Variants in NHS observed in about 807,000 individuals in gnomAD.
NHS encodes the protein NHS actin remodeling regulator.
A neutral mutation model predicts 72.5 loss-of-function variants in NHS; 5 were observed. The observed-to-expected ratio is 0.07, with a 90% confidence interval of 0.04 to 0.14. The LOEUF (loss-of-function observed/expected upper bound fraction) is 0.14, where lower values mean the gene tolerates loss of function less well. Among genes scored for constraint, NHS ranks in the 10% least tolerant of loss-of-function variants. NHS has a pLI of 1.00. For synonymous variants in NHS, 464 were observed against 547.7 expected (o/e 0.85, Z 2.13); for missense variants, 1,072 against 1,355.7 (o/e 0.79, Z 3.29).
intron 1 of NHS, among the ~76,000 whole-genome samples, chrX:17,683,220 T>G (rs1281778170): frequency 8.9e-6 from 1 of 112,348 alleles, no homozygotes; most frequent in Non-Finnish European, 1.9e-5. Context: ...TTTGTGGTGT[T>G]GTCTTTCTGA....
intron 5 of NHS, among the ~76,000 whole-genome samples, chrX:17,722,579 CA>C (rs1406556524): frequency 3.6e-5 from 4 of 111,323 alleles, no homozygotes; most frequent in Non-Finnish European, 7.5e-5. Context: ...ATATCTGGGA[CA>C]GATATTATTT....
At chrX:17,490,206 A>G (rs1323790576) in intron 1 of NHS, among the ~76,000 whole-genome samples, 4 of 112,232 alleles carry the variant, frequency 3.6e-5, no homozygotes, top group Non-Finnish European at 5.6e-5. Context: ...GCCCATGCCT[A>G]TGTCCTGAAT....
intron 1 of NHS, among the ~76,000 whole-genome samples, chrX:17,670,476 C>T (rs980698173): frequency 2.7e-5 from 3 of 112,636 alleles, no homozygotes; most frequent in Non-Finnish European, 5.6e-5. Context: ...TGTGCTATGT[C>T]TACACAGGAC....
At chrX:17,586,848 A>C (rs1193213932) in intron 1 of NHS, 4 of 112,341 alleles carry the variant, frequency 3.6e-5, no homozygotes, top group Non-Finnish European at 7.5e-5. Context: ...TGTAGGCTTT[A>C]CACAGGCTTG....
At chrX:17,427,781 T>C (rs2064664970) in intron 1 of NHS, among the ~76,000 whole-genome samples, 1 of 112,712 alleles carries the variant, frequency 8.9e-6, no homozygotes, top group Non-Finnish European at 1.9e-5. Context: ...GAATACTTCC[T>C]AAGAATATAT....
chrX:17,681,115 T>G (rs2066126375), intron 1 of NHS, among the ~76,000 whole-genome samples: 1 of 111,620 alleles, frequency 9.0e-6, no homozygotes, highest in Non-Finnish European at 1.9e-5. Flanking sequence ...TCTTTCCAGT[T>G]TCCAGAAATG....
chrX:17,455,939 G>C (rs906728778), intron 1 of NHS, among the ~76,000 whole-genome samples: 9 of 111,177 alleles, frequency 8.1e-5, no homozygotes, highest in Non-Finnish European at 1.7e-4. Flanking sequence ...GCTAAGGCAG[G>C]CAAAATGGAG....
chrX:17,506,867 C>T (rs1156804393), intron 1 of NHS, among the ~76,000 whole-genome samples: 1 of 111,751 alleles, frequency 8.9e-6, no homozygotes, highest in Admixed American at 9.5e-5. Context: ...GTAGATGTAG[C>T]TACTTAATCC....
intron 1 of NHS, among the ~76,000 whole-genome samples, chrX:17,494,725 G>A (rs1383991008): frequency 1.8e-5 from 2 of 112,440 alleles, no homozygotes; most frequent in African/African-American, 6.5e-5. Context: ...GAGAACTGGG[G>A]GTCCTTGATG....
At chrX:17,491,452 G>A (rs2064990712) in intron 1 of NHS, among the ~76,000 whole-genome samples, 1 of 111,917 alleles carries the variant, frequency 8.9e-6, no homozygotes, top group Non-Finnish European at 1.9e-5. Context: ...AACCAGCCTT[G>A]CATCCCAGGG....
intron 1 of NHS, among the ~76,000 whole-genome samples, chrX:17,674,664 T>C (rs918611895): frequency 8.9e-6 from 1 of 112,047 alleles, no homozygotes; most frequent in Non-Finnish European, 1.9e-5. Context: ...GTTTCCATCA[T>C]AGGCTCTGGA....
intron 1 of NHS, among the ~76,000 whole-genome samples, chrX:17,608,268 G>T (rs775363388): frequency 9.0e-6 from 1 of 111,363 alleles, no homozygotes; most frequent in African/African-American, 3.3e-5. Flanking sequence ...AGTTTAAGGA[G>T]GTGGCCAGAG....
intron 1 of NHS, among the ~76,000 whole-genome samples, chrX:17,661,771 G>T (rs942771024): frequency 8.9e-6 from 1 of 112,070 alleles, no homozygotes; most frequent in African/African-American, 3.2e-5. Context: ...CGCGGTGGCT[G>T]ACAGCTCACA....
At chrX:17,629,440 C>T (rs947980202) in intron 1 of NHS, among the ~76,000 whole-genome samples, 2 of 111,778 alleles carry the variant, frequency 1.8e-5, no homozygotes, top group African/African-American at 3.3e-5. Context: ...GACTGAGTAG[C>T]GTGGGGCTCT....
intron 1 of NHS, among the ~76,000 whole-genome samples, chrX:17,558,948 TCATTCAACA>T (rs2065397436): frequency 8.9e-6 from 1 of 112,755 alleles, no homozygotes; most frequent in African/African-American, 3.2e-5. Flanking sequence ...ATATACACAT[TCATTCAACA>T]AATAGAATTT....
rs1347144867 is a variant in NHS, at chrX:17,407,562, T to G, written c.565+31240T>G. Among the ~76,000 whole-genome samples, 3 of 111,512 alleles carry G rather than the reference T, an allele frequency of 2.7e-5. No individual in the cohort carries two copies. The East Asian group carries it at 8.5e-4, about 31-fold the overall frequency. ...CAAGCTCTTTCTGAGGAGTGTTGATTTTTTTTGGGGGAAGATTATTTTGCC... is the reference window on the plus strand; with the variant it reads ...CAAGCTCTTTCTGAGGAGTGTTGATGTTTTTTGGGGGAAGATTATTTTGCC... On this transcript the variant is annotated intron_variant, in intron 1 of 8. Coordinates refer to ENST00000676302, the MANE Select transcript of NHS (RefSeq NM_001291867.2).
intron 1 of NHS, among the ~76,000 whole-genome samples, chrX:17,557,863 G>A (rs952189543): frequency 8.9e-6 from 1 of 112,312 alleles, no homozygotes; most frequent in African/African-American, 3.2e-5. Flanking sequence ...TTGCCCAAAG[G>A]CCTCCCTTAG....
intron 1 of NHS, among the ~76,000 whole-genome samples, chrX:17,411,828 A>G (rs1479342228): frequency 8.9e-6 from 1 of 111,870 alleles, no homozygotes; most frequent in African/African-American, 3.3e-5. Context: ...ACTTTTAATC[A>G]CAGCTTTTTC....
chrX:17,609,614 A>G (rs2065699159), intron 1 of NHS, among the ~76,000 whole-genome samples: 1 of 112,112 alleles, frequency 8.9e-6, no homozygotes. Context: ...TTATGTTAGC[A>G]TGTTGAGAGA....
Sources: allele counts gnomAD v4.1 joint callset (sites outside exome capture counted in the v4.1 genomes callset), GRCh38; gene constraint gnomAD v4.1.1; transcripts MANE v1.5; gene names NCBI Gene and HGNC (gene_info 2026-07-23, HGNC 2026-07-21).